SCMH1: variants seen among roughly 807,000 people sequenced by gnomAD.
SCMH1 encodes the protein Scm polycomb group protein homolog 1, also known as polycomb protein SCMH1.
SCMH1 carries 37 observed loss-of-function variants against 70.8 expected under a neutral mutation model. The observed-to-expected ratio is 0.52, with a 90% confidence interval of 0.40 to 0.69. The LOEUF (loss-of-function observed/expected upper bound fraction) is 0.69, where lower values mean the gene tolerates loss of function less well. Among genes scored for constraint, SCMH1 ranks in the 30% least tolerant of loss-of-function variants. The pLI is 0.00. For synonymous variants in SCMH1, 292 were observed against 307.4 expected, an observed-to-expected ratio of 0.95 and a Z score of 0.52; for missense variants, 607 against 827.3, an observed-to-expected ratio of 0.73 and a Z score of 3.27.
At chr1:41,118,780 C>T (rs367940418) in intron 6 of SCMH1, among the ~76,000 whole-genome samples, 12 of 152,338 alleles carry the variant, frequency 7.9e-5, no homozygotes, top group South Asian at 2.1e-4. Context: ...TGCTTCAACT[C>T]TGCATCCTGA....
intron 8 of SCMH1, among the ~76,000 whole-genome samples, chr1:41,104,611 C>T (rs1299519639): frequency 6.6e-6 from 1 of 152,148 alleles, no homozygotes; most frequent in Admixed American, 6.5e-5. Context: ...ACAATTATTA[C>T]ATATCAATAA....
At chr1:41,211,043 C>T (rs1364709555) in intron 1 of SCMH1, among the ~76,000 whole-genome samples, 5 of 152,044 alleles carry the variant, frequency 3.3e-5, no homozygotes. Flanking sequence ...CTCCTGACCT[C>T]GTGATCCACC....
chr1:41,184,019 G>T (rs1257575263), intron 2 of SCMH1, among the ~76,000 whole-genome samples: 1 of 152,236 alleles, frequency 6.6e-6, no homozygotes, highest in East Asian at 1.9e-4. Context: ...ATTGATGGTG[G>T]TGATGGGTGC....
intron 10 of SCMH1, among the ~76,000 whole-genome samples, chr1:41,064,758 TA>T (rs1359198149): frequency 1.5e-5 from 2 of 129,056 alleles, no homozygotes; most frequent in Non-Finnish European, 3.6e-5. Context: ...ATAAAAAAAA[TA>T]AAAATAAAAA....
intron 5 of SCMH1, among the ~76,000 whole-genome samples, chr1:41,146,602 A>G (rs919096028): frequency 2.0e-5 from 3 of 151,996 alleles, no homozygotes; most frequent in African/African-American, 7.3e-5. Flanking sequence ...GACGAATACC[A>G]TTGTGTTACA....
At chr1:41,049,787 G>A (rs1647371905) in intron 10 of SCMH1, among the ~76,000 whole-genome samples, 1 of 145,956 alleles carries the variant, frequency 6.9e-6, no homozygotes, top group South Asian at 2.2e-4. Context: ...AAAAAAATTG[G>A]GTGCAGTGGC....
Position 41,070,614 on chromosome 1 carries a change from T to A in SCMH1, c.1086A>T (p.Ser362=), listed in dbSNP as rs1210405360. ...TCTTACCTGTTGGGGCCTGCATGGC[T>A]GAGCTGGGGATGGTGGCAGCATCCT... The change falls in exon 10 of 15, where the codon TCA becomes TCT. Residue 362 remains serine, a synonymous_variant. Transcript: ENST00000337495. The A allele has an allele frequency of 8.7e-6, 14 of 1,613,940 alleles. No homozygotes were observed. The Admixed American group carries it at 1.0e-4, about 12-fold the overall frequency.
chr1:41,124,659 G>A (rs1175653939), intron 6 of SCMH1, among the ~76,000 whole-genome samples: 11 of 151,754 alleles, frequency 7.2e-5, no homozygotes, highest in South Asian at 2.1e-4. Context: ...CCAGGCTGGT[G>A]TGCAGTGGTG....
chr1:41,148,483 T>C (rs1644781823), intron 5 of SCMH1, among the ~76,000 whole-genome samples: 1 of 152,184 alleles, frequency 6.6e-6, no homozygotes, highest in African/African-American at 2.4e-5. Flanking sequence ...TATCTTTATT[T>C]CACCTTTGTG....
intron 8 of SCMH1, among the ~76,000 whole-genome samples, chr1:41,077,556 A>G (rs960235110): frequency 2.0e-5 from 3 of 152,180 alleles, no homozygotes; most frequent in East Asian, 1.9e-4. Context: ...TTTTAAAACT[A>G]TAAGGGGTGA....
exon 10 of SCMH1, chr1:41,070,643 G>T: frequency 6.2e-7 from 1 of 1,614,094 alleles, no homozygotes; most frequent in African/African-American, 1.3e-5. Context: ...GCATCCTGGG[G>T]TACAGTGCTG....
intron 8 of SCMH1, among the ~76,000 whole-genome samples, chr1:41,098,129 T>A (rs1425037842): frequency 6.6e-6 from 1 of 152,232 alleles, no homozygotes; most frequent in Non-Finnish European, 1.5e-5. Flanking sequence ...TATTTTGAGC[T>A]TTATATATTA....
chr1:41,232,705 C>T (rs190363980), intron 1 of SCMH1, among the ~76,000 whole-genome samples: 100 of 152,212 alleles, frequency 6.6e-4, no homozygotes, highest in African/African-American at 2.0e-3. Flanking sequence ...CGTGTTTATA[C>T]GTTTCAACAT....
chr1:41,084,329 C>A (rs1280924693), intron 8 of SCMH1, among the ~76,000 whole-genome samples: 1 of 152,174 alleles, frequency 6.6e-6, no homozygotes, highest in Non-Finnish European at 1.5e-5. Flanking sequence ...CATGAACAGA[C>A]CCTTCTCAAA....
chr1:41,118,345 C>T (rs1417933390), intron 6 of SCMH1, among the ~76,000 whole-genome samples: 3 of 151,822 alleles, frequency 2.0e-5, no homozygotes, highest in Non-Finnish European at 4.4e-5. Flanking sequence ...TTGAAAAATC[C>T]AAAAAAGATG....
intron 6 of SCMH1, among the ~76,000 whole-genome samples, chr1:41,141,679 C>T (rs181584207): frequency 1.3e-5 from 2 of 152,070 alleles, no homozygotes; most frequent in Admixed American, 1.3e-4. Flanking sequence ...AGACAAATGA[C>T]TTAGGTTTTT....
At chr1:41,029,586 T>C (rs1436584556) in intron 13 of SCMH1, among the ~76,000 whole-genome samples, 1 of 152,228 alleles carries the variant, frequency 6.6e-6, no homozygotes, top group Non-Finnish European at 1.5e-5. Flanking sequence ...GACTCAGATA[T>C]AACGCCTCCT....
chr1:41,029,356 G>A (rs1399049200), intron 13 of SCMH1, among the ~76,000 whole-genome samples: 2 of 152,130 alleles, frequency 1.3e-5, no homozygotes, highest in African/African-American at 2.4e-5. Context: ...GGGATTACAG[G>A]CATGCAGTAA....
chr1:41,210,782 C>G (rs1314830500), intron 1 of SCMH1, among the ~76,000 whole-genome samples: 1 of 151,358 alleles, frequency 6.6e-6, no homozygotes, highest in Non-Finnish European at 1.5e-5. Context: ...CAATACCATT[C>G]AGGATATAGG....
Sources: gnomAD v4.1 joint callset for allele counts (sites outside exome capture counted in the v4.1 genomes callset) on GRCh38, gnomAD v4.1.1 for gene constraint, MANE v1.5 for transcripts, NCBI Gene and HGNC (gene_info 2026-07-23, HGNC 2026-07-21) for gene names.